Variants in KCMF1 observed in about 807,000 individuals in gnomAD.
KCMF1 encodes E3 ubiquitin-protein ligase KCMF1.
A neutral mutation model predicts 41.1 loss-of-function variants in KCMF1; 3 were observed. The observed-to-expected ratio is 0.07, with a 90% confidence interval of 0.03 to 0.19. The LOEUF (loss-of-function observed/expected upper bound fraction) is 0.19, where lower values mean the gene tolerates loss of function less well. KCMF1 is among the 10% of genes least tolerant of loss of function. The pLI is 1.00. For synonymous variants in KCMF1, 142 were observed against 164.5 expected (o/e 0.86, Z 1.04); for missense variants, 286 against 488.9 (o/e 0.58, Z 3.91).
At chr2:85,006,057 A>T (rs1206402601) in intron 1 of KCMF1, among the ~76,000 whole-genome samples, 1 of 151,076 alleles carries the variant, frequency 6.6e-6, no homozygotes, top group Non-Finnish European at 1.5e-5. Context: ...CTATTTTTCT[A>T]TTTTTTTTCC....
In KCMF1 at chr2:85,003,206, G is replaced by A. The variant is rs186793115; in HGVS notation, c.17-24683G>A. Reference sequence around the variant, plus strand: ...TTCATCTTGTTGGCCGGGCGCGGTGGCTCACGCCTGTAATCCCAGCACTTT... The same window carrying A: ...TTCATCTTGTTGGCCGGGCGCGGTGACTCACGCCTGTAATCCCAGCACTTT... On this transcript the variant is annotated intron_variant, in intron 1 of 6. Coordinates refer to ENST00000409785, the MANE Select transcript of KCMF1 (RefSeq NM_020122.5). Among the ~76,000 whole-genome samples, 337 of 152,308 alleles carry A rather than the reference G, an allele frequency of 2.2e-3. 1 individual carries two copies. The highest frequency in any genetic ancestry group is 7.5e-3 in the African/African-American group (311 of 41,558).
intron 1 of KCMF1, among the ~76,000 whole-genome samples, chr2:85,018,873 T>TG (rs1184563969): frequency 1.3e-4 from 20 of 148,434 alleles, no homozygotes; most frequent in African/African-American, 5.0e-4. Flanking sequence ...GGCGTGATCT[T>TG]GGCTCACTGC....
chr2:85,002,736 A>G (rs1385622789), intron 1 of KCMF1, among the ~76,000 whole-genome samples: 1 of 151,802 alleles, frequency 6.6e-6, no homozygotes, highest in African/African-American at 2.4e-5. Context: ...TCTTTGTGAT[A>G]GCTCTGTATG....
At chr2:85,028,131 C>G in intron 2 of KCMF1, 75 bp downstream of exon 2, 1 of 887,998 alleles carries the variant, frequency 1.1e-6, no homozygotes, top group Non-Finnish European at 1.7e-6. Context: ...GCAAAGTGTT[C>G]TAAAACTCCC....
rs567207508 is a variant in KCMF1 at position 85,053,034 on chromosome 2, C to T, written c.885-114C>T. 9.6e-5 allele frequency: 80 copies of T among 834,884 alleles called. No individual in the cohort carries two copies. The African/African-American group carries it at 1.3e-3, about 14-fold the overall frequency. 51.7% of individuals were successfully genotyped at this position (834,884 alleles called of 1,614,324 possible). ...ACAGCCAAGTATTCCAGCAATGTCT[C>T]ATTCTGAATTTTGCCACCTGTAAAA... is the stretch of plus-strand genomic sequence containing the variant. On this transcript the variant is annotated intron_variant, in intron 6 of 6. Transcript: ENST00000409785.
At chr2:85,019,798 G>A (rs1674885452) in intron 1 of KCMF1, among the ~76,000 whole-genome samples, 2 of 151,346 alleles carry the variant, frequency 1.3e-5, no homozygotes, top group South Asian at 2.1e-4. Flanking sequence ...ACGTATATAT[G>A]TGTGTGTATA....
rs1675756423 is a variant in KCMF1, at chr2:85,049,522, A to G, written c.758A>G (p.Asn253Ser). The G allele has an allele frequency of 1.9e-6, 3 of 1,613,924 alleles. No homozygotes were observed. In the South Asian group the frequency reaches 3.3e-5, roughly 18 times the overall value. ...CGGCAACAACTGGAGACCGCACGCA[A>G]CGCAACCCGGCGTACTAACACAAGC... ...AARQQLETAR[N>S]ATRRTNTSSV... The change falls in exon 6 of 7, where the codon AAC becomes AGC. Residue 253 changes from asparagine to serine, a missense_variant. Around this residue, in one of 2 missense-constraint regions of KCMF1, gnomAD observed 191 missense variants for 279.3 expected, o/e 0.68. Coordinates refer to ENST00000409785, the MANE Select transcript of KCMF1 (RefSeq NM_020122.5).
At chr2:85,033,507 C>A (rs1206875558) in intron 2 of KCMF1, among the ~76,000 whole-genome samples, 2 of 152,160 alleles carry the variant, frequency 1.3e-5, no homozygotes, top group Non-Finnish European at 2.9e-5. Flanking sequence ...AGGGCCTCAG[C>A]TGTGTCATAA....
chr2:85,030,277 A>G (rs1252094816), intron 2 of KCMF1, among the ~76,000 whole-genome samples: 3 of 148,948 alleles, frequency 2.0e-5, no homozygotes, highest in African/African-American at 4.9e-5. Context: ...ATTTTCTCCC[A>G]TTCTGTGGGT....
chr2:84,989,639 A>G (rs558755264), intron 1 of KCMF1, among the ~76,000 whole-genome samples: 1 of 152,334 alleles, frequency 6.6e-6, no homozygotes, highest in South Asian at 2.1e-4. Flanking sequence ...TCGATTAAGC[A>G]TGAGGATTGT....
intron 1 of KCMF1, among the ~76,000 whole-genome samples, chr2:84,980,182 T>A (rs940402609): frequency 2.0e-5 from 3 of 152,152 alleles, no homozygotes; most frequent in African/African-American, 4.8e-5. Flanking sequence ...AGATCTGGGA[T>A]AAGGCAGACA....
At chr2:84,994,552 C>T (rs888470514) in intron 1 of KCMF1, among the ~76,000 whole-genome samples, 1 of 152,030 alleles carries the variant, frequency 6.6e-6, no homozygotes, top group Non-Finnish European at 1.5e-5. Context: ...TACAGGCATG[C>T]GCCGCCACAC....
At chr2:85,024,591 T>A (rs537429701) in intron 1 of KCMF1, among the ~76,000 whole-genome samples, 2 of 151,582 alleles carry the variant, frequency 1.3e-5, no homozygotes, top group South Asian at 2.1e-4. Flanking sequence ...AGAGTGTGTG[T>A]GTGTGTGTGT....
intron 3 of KCMF1, among the ~76,000 whole-genome samples, chr2:85,041,147 A>G (rs1675521958): frequency 6.6e-6 from 1 of 152,028 alleles, no homozygotes; most frequent in Admixed American, 6.6e-5. Flanking sequence ...CTTTATCCCT[A>G]GTAGTTATGG....
At chr2:85,033,039 C>T (rs1675314267) in intron 2 of KCMF1, among the ~76,000 whole-genome samples, 1 of 152,168 alleles carries the variant, frequency 6.6e-6, no homozygotes, top group African/African-American at 2.4e-5. Flanking sequence ...GATGTTTGCT[C>T]AGTTTTTGGT....
chr2:84,971,881 G>A (rs1265633652), intron 1 of KCMF1: 1 of 151,966 alleles, frequency 6.6e-6, no homozygotes, highest in East Asian at 1.9e-4. Context: ...TGTGGTCGCA[G>A]AGCCGGGCCG....
chr2:85,008,230 CAT>C (rs1433451413), intron 1 of KCMF1, among the ~76,000 whole-genome samples: 3 of 115,114 alleles, frequency 2.6e-5, no homozygotes, highest in South Asian at 5.7e-4. Flanking sequence ...AAATACATCA[CAT>C]ATTATATTAT....
intron 2 of KCMF1, among the ~76,000 whole-genome samples, chr2:85,028,418 C>T (rs1675168526): frequency 6.7e-6 from 1 of 148,884 alleles, no homozygotes; most frequent in South Asian, 2.1e-4. Context: ...CTCCTGACCT[C>T]AGTCAATCTG....
At chr2:85,047,935 G>T (rs115477234) in intron 5 of KCMF1, among the ~76,000 whole-genome samples, 1,546 of 152,242 alleles carry the variant, frequency 0.01, 19 homozygotes, top group African/African-American at 0.035. Context: ...GAACACAAAG[G>T]AGGAGACAGC....
Sources: gnomAD v4.1 joint callset for allele counts (sites outside exome capture counted in the v4.1 genomes callset) on GRCh38, gnomAD v4.1.1 for gene constraint, gnomAD v4.1.1 regional missense constraint, MANE v1.5 for transcripts, NCBI Gene and HGNC (gene_info 2026-07-23, HGNC 2026-07-21) for gene names.